PDE10A: variants seen among roughly 807,000 people sequenced by gnomAD.
PDE10A encodes the protein cAMP and cAMP-inhibited cGMP 3',5'-cyclic phosphodiesterase 10A.
In PDE10A, 39 loss-of-function variants were observed where a neutral mutation model predicts 97.7. The ratio of observed to expected loss-of-function variants is 0.40; its 90% CI spans 0.31 to 0.52. The LOEUF is 0.52. PDE10A is among the 20% of genes least tolerant of loss of function. PDE10A has a pLI of 0.56. For synonymous variants in PDE10A, 371 were observed against 376.8 expected (o/e 0.98, Z 0.18); for missense variants, 731 against 1,047.8 (o/e 0.70, Z 4.17).
chr6:165,671,250 T>C lies in PDE10A; in HGVS notation c.-614-127682A>G, dbSNP rs1238019079. ...GGCTAGAGTGAAACCCTCTTCTGTT[T>C]TTTTAACTACCTTGATTAAGCTTTT... is the stretch of plus-strand genomic sequence containing the variant. On this transcript the variant is annotated intron_variant, in intron 1 of 19. Transcript: ENST00000366882. The surrounding 1 kb of genome is among the most constrained non-coding windows in gnomAD (Gnocchi z 4.6). Among the ~76,000 whole-genome samples the C allele has an allele frequency of 6.6e-6, 1 of 152,218 alleles. No individual in the cohort carries two copies. The highest frequency in any genetic ancestry group is 2.4e-5 in the African/African-American group (1 of 41,452).
At chr6:165,797,364 A>G (rs1778857958) in intron 1 of PDE10A, among the ~76,000 whole-genome samples, 2 of 152,238 alleles carry the variant, frequency 1.3e-5, no homozygotes, top group African/African-American at 2.4e-5. Context: ...AGGCTAAAAA[A>G]TGATTATTTT....
chr6:165,756,791 C>T (rs1793126720), intron 1 of PDE10A, among the ~76,000 whole-genome samples: 1 of 151,922 alleles, frequency 6.6e-6, no homozygotes, highest in South Asian at 2.1e-4. Context: ...TCTTAATATC[C>T]CACAAGCAGA....
intron 1 of PDE10A, among the ~76,000 whole-genome samples, chr6:165,754,857 T>A (rs1242000055): frequency 6.6e-6 from 1 of 152,234 alleles, no homozygotes; most frequent in Admixed American, 6.5e-5. Flanking sequence ...AAAATAGAGA[T>A]GTTTCACTTC....
chr6:165,868,275 C>T (rs1035156331), intron 1 of PDE10A, among the ~76,000 whole-genome samples: 1 of 151,840 alleles, frequency 6.6e-6, no homozygotes, highest in East Asian at 1.9e-4. Flanking sequence ...GCTAGCTAGA[C>T]TAAGCAAGAA....
intron 1 of PDE10A, among the ~76,000 whole-genome samples, chr6:165,564,713 G>A (rs1784690349): frequency 1.3e-5 from 2 of 152,124 alleles, no homozygotes. Context: ...TTAATGCTAA[G>A]TAACTGACTT....
chr6:165,428,053 A>T (rs1789290607), intron 10 of PDE10A, among the ~76,000 whole-genome samples: 2 of 152,036 alleles, frequency 1.3e-5, no homozygotes, highest in Admixed American at 6.6e-5. Flanking sequence ...AGATGAGAAA[A>T]CTCTTTATTG....
intron 1 of PDE10A, among the ~76,000 whole-genome samples, chr6:165,575,047 C>T (rs894457468): frequency 6.6e-6 from 1 of 152,146 alleles, no homozygotes; most frequent in Non-Finnish European, 1.5e-5. Context: ...TATTTGCCCT[C>T]AACTGTACAC....
chr6:165,571,974 A>T (rs1295084384), intron 1 of PDE10A, among the ~76,000 whole-genome samples: 1 of 152,222 alleles, frequency 6.6e-6, no homozygotes, highest in African/African-American at 2.4e-5. Flanking sequence ...ACAGGCATCT[A>T]AGCTGTGCAC....
intron 1 of PDE10A, among the ~76,000 whole-genome samples, chr6:165,787,729 C>A (rs1778533711): frequency 6.6e-6 from 1 of 152,184 alleles, no homozygotes; most frequent in Non-Finnish European, 1.5e-5. Context: ...GTGTGCCAGG[C>A]AACCTGCAGG....
At chr6:165,910,624 A>G (rs1212999291) in intron 1 of PDE10A, among the ~76,000 whole-genome samples, 1 of 152,186 alleles carries the variant, frequency 6.6e-6, no homozygotes, top group East Asian at 1.9e-4. Context: ...TCCTAGTAAA[A>G]TGAATTTACT....
At chr6:165,639,069 A>G (rs1164795172) in intron 1 of PDE10A, among the ~76,000 whole-genome samples, 1 of 150,718 alleles carries the variant, frequency 6.6e-6, no homozygotes, top group East Asian at 2.0e-4. Flanking sequence ...GGAGACAGAG[A>G]GAGAGAGAGA....
chr6:165,693,225 G>C (rs948996869), intron 1 of PDE10A, among the ~76,000 whole-genome samples: 1 of 152,104 alleles, frequency 6.6e-6, no homozygotes, highest in African/African-American at 2.4e-5. Context: ...CATTAGTTGA[G>C]TGAAACATTT....
At chr6:165,977,356 T>A (rs771183793) in intron 1 of PDE10A, among the ~76,000 whole-genome samples, 10 of 152,198 alleles carry the variant, frequency 6.6e-5, no homozygotes, top group Non-Finnish European at 1.2e-4. Context: ...AAACCCACAC[T>A]ACCAGCAAAC....
chr6:165,367,317 G>A (rs1783842106), intron 18 of PDE10A, among the ~76,000 whole-genome samples: 1 of 123,088 alleles, frequency 8.1e-6, no homozygotes, highest in African/African-American at 3.6e-5. Context: ...ACTACAGATT[G>A]GACAGAATAT....
intron 1 of PDE10A, among the ~76,000 whole-genome samples, chr6:165,628,082 AAAAGATATCAT>A (rs1483231067): frequency 2.0e-5 from 3 of 152,242 alleles, no homozygotes; most frequent in African/African-American, 4.8e-5. Flanking sequence ...ATGAGAATTT[AAAAGATATCAT>A]AAACTTAAAC....
chr6:165,674,515 C>T (rs1041175868), intron 1 of PDE10A, among the ~76,000 whole-genome samples: 1 of 152,148 alleles, frequency 6.6e-6, no homozygotes, highest in Non-Finnish European at 1.5e-5. Context: ...AACCGTGAGA[C>T]CACTGCCTGG....
At chr6:165,944,424 G>T (rs1783691816) in intron 1 of PDE10A, among the ~76,000 whole-genome samples, 1 of 152,176 alleles carries the variant, frequency 6.6e-6, no homozygotes, top group Non-Finnish European at 1.5e-5. Flanking sequence ...AGGTGGACAT[G>T]GTGGGCCCCC....
At chr6:165,848,912 C>T (rs185162585) in intron 1 of PDE10A, among the ~76,000 whole-genome samples, 287 of 152,256 alleles carry the variant, frequency 1.9e-3, no homozygotes, top group African/African-American at 6.7e-3. Context: ...CCCAGAGTCT[C>T]TGGAAGGAGC....
intron 3 of PDE10A, among the ~76,000 whole-genome samples, chr6:165,468,872 G>A (rs77132036): frequency 0.031 from 4,706 of 152,108 alleles, 139 homozygotes; most frequent in East Asian, 0.17. Context: ...ACCTTTAAAC[G>A]GCCCTTGAAT....
Sources: gnomAD v4.1 joint callset for allele counts (sites outside exome capture counted in the v4.1 genomes callset) on GRCh38, gnomAD v4.1.1 for gene constraint, Gnocchi (gnomAD v3.1) non-coding constraint, MANE v1.5 for transcripts, NCBI Gene and HGNC (gene_info 2026-07-23, HGNC 2026-07-21) for gene names.